SH3GL2: variants seen among roughly 807,000 people sequenced by gnomAD.
SH3GL2 encodes the protein SH3 domain containing GRB2 like 2, endophilin A1.
In SH3GL2, 24 loss-of-function variants were observed where a neutral mutation model predicts 46.0. The observed-to-expected ratio is 0.52, with a 90% CI of 0.38 to 0.73. SH3GL2 has a LOEUF of 0.73. Among genes scored for constraint, SH3GL2 ranks in the 30% least tolerant of loss-of-function variants. The pLI is 0.00. For missense variants in SH3GL2, 413 were observed against 424.2 expected, an observed-to-expected ratio of 0.97 and a Z score of 0.23; for synonymous variants, 196 against 147.1, an observed-to-expected ratio of 1.33 and a Z score of -2.40.
chr9:17,704,639 A>G (rs1159619504), intron 1 of SH3GL2, among the ~76,000 whole-genome samples: 5 of 152,150 alleles, frequency 3.3e-5, no homozygotes, highest in African/African-American at 1.2e-4. Context: ...ACACTTAACA[A>G]CCATCTGATT....
rs1351144094 is a variant in SH3GL2 at position 17,796,662 on chromosome 9, A to C, written c.*919A>C. The C allele has an allele frequency of 1.3e-5, 2 of 152,670 alleles. No homozygotes were observed. Among genetic ancestry groups the C allele is most frequent in the African/African-American group, 2.4e-5 (1 of 41,466 alleles). The allele number at this position is 152,670 out of a possible 1,614,324, so 9.5% of individuals were successfully genotyped here. The stretch of plus-strand genomic sequence containing the variant: ...AAACACTAGTAACCATCTTTCCACT[A>C]GTTCATATACTGAGAAACAGTAAAT... On this transcript the variant is annotated 3_prime_UTR_variant, in exon 9 of 9. Coordinates refer to ENST00000380607, the MANE Select transcript of SH3GL2 (RefSeq NM_003026.5).
At chr9:17,782,128 A>C (rs1823826496) in intron 3 of SH3GL2, among the ~76,000 whole-genome samples, 1 of 152,186 alleles carries the variant, frequency 6.6e-6, no homozygotes, top group Admixed American at 6.6e-5. Flanking sequence ...GACTATATTC[A>C]ACCAGGCAGT....
Position 17,746,597 on chromosome 9 carries a change from C to G in SH3GL2, c.46-469C>G, listed in dbSNP as rs562895189. ...TGTCTGAAGATTAGCTGGGCTGAGA[C>G]TTTTTTTCTTTTCATAACAGTTTGA... On this transcript the variant is annotated intron_variant, in intron 1 of 8. Transcript: ENST00000380607. Among the ~76,000 whole-genome samples, 4 of 152,222 alleles carry G rather than the reference C, an allele frequency of 2.6e-5. 1 individual carries two copies. In the South Asian group the frequency reaches 8.3e-4, roughly 32 times the overall value.
intron 1 of SH3GL2, among the ~76,000 whole-genome samples, chr9:17,592,175 A>G (rs1305200707): frequency 6.6e-6 from 1 of 152,208 alleles, no homozygotes; most frequent in African/African-American, 2.4e-5. Flanking sequence ...AGAATTTGGA[A>G]TTCTGATGTC....
At chr9:17,612,176 G>C (rs1255418538) in intron 1 of SH3GL2, among the ~76,000 whole-genome samples, 1 of 152,136 alleles carries the variant, frequency 6.6e-6, no homozygotes, top group Non-Finnish European at 1.5e-5. Context: ...TCTCTCTCTA[G>C]TTCTGTGCAC....
intron 1 of SH3GL2, among the ~76,000 whole-genome samples, chr9:17,653,213 C>G (rs990791627): frequency 1.3e-5 from 2 of 152,018 alleles, no homozygotes; most frequent in African/African-American, 2.4e-5. Context: ...TTTATTATAA[C>G]TGTTTTGTGT....
At chr9:17,795,044 T>C (rs1429006176) in intron 8 of SH3GL2, among the ~76,000 whole-genome samples, 7 of 152,220 alleles carry the variant, frequency 4.6e-5, no homozygotes, top group Non-Finnish European at 1.0e-4. Context: ...GCTGGGGTTA[T>C]CATTTTAAAG....
intron 1 of SH3GL2, among the ~76,000 whole-genome samples, chr9:17,732,752 A>C (rs1822217857): frequency 1.3e-5 from 2 of 152,168 alleles, no homozygotes; most frequent in South Asian, 4.1e-4. Flanking sequence ...GATTTTAATC[A>C]ATTCTTGTTC....
intron 1 of SH3GL2, among the ~76,000 whole-genome samples, chr9:17,744,387 G>A (rs1440188144): frequency 1.4e-5 from 2 of 147,896 alleles, no homozygotes; most frequent in African/African-American, 5.0e-5. Flanking sequence ...TTTTTTTTGA[G>A]TCTGAGTCTC....
chr9:17,619,426 C>T (rs1588178073), intron 1 of SH3GL2, among the ~76,000 whole-genome samples: 1 of 152,226 alleles, frequency 6.6e-6, no homozygotes, highest in East Asian at 1.9e-4. Flanking sequence ...GCCTGTAATC[C>T]CAGCACTTTG....
intron 1 of SH3GL2, among the ~76,000 whole-genome samples, chr9:17,701,462 G>A (rs1309859263): frequency 1.3e-5 from 2 of 152,016 alleles, no homozygotes; most frequent in Non-Finnish European, 2.9e-5. Context: ...GCCTCTTTGT[G>A]GGGAGAGATT....
At chr9:17,754,017 T>C (rs994003045) in intron 2 of SH3GL2, among the ~76,000 whole-genome samples, 1 of 152,192 alleles carries the variant, frequency 6.6e-6, no homozygotes, top group African/African-American at 2.4e-5. Context: ...CTGAGATCTC[T>C]ATTCTATTCT....
At chr9:17,794,675 G>C (rs1437811393) in intron 8 of SH3GL2, among the ~76,000 whole-genome samples, 2 of 152,162 alleles carry the variant, frequency 1.3e-5, no homozygotes, top group African/African-American at 4.8e-5. Context: ...GTATCTACAT[G>C]TGTATGTATG....
At chr9:17,643,279 A>G (rs1819729817) in intron 1 of SH3GL2, among the ~76,000 whole-genome samples, 1 of 152,202 alleles carries the variant, frequency 6.6e-6, no homozygotes, top group African/African-American at 2.4e-5. Context: ...CAGCTTAAGG[A>G]GTTTTTGGAC....
chr9:17,688,795 T>C (rs1352933336), intron 1 of SH3GL2, among the ~76,000 whole-genome samples: 2 of 152,052 alleles, frequency 1.3e-5, no homozygotes, highest in African/African-American at 4.8e-5. Context: ...ACGTATCAAA[T>C]AAATATCTAT....
At chr9:17,703,897 G>A (rs1415342406) in intron 1 of SH3GL2, among the ~76,000 whole-genome samples, 1 of 152,028 alleles carries the variant, frequency 6.6e-6, no homozygotes, top group Non-Finnish European at 1.5e-5. Context: ...AGACAAGGAT[G>A]CCCTCTTTCA....
chr9:17,581,947 C>T (rs1818284560), intron 1 of SH3GL2, among the ~76,000 whole-genome samples: 1 of 152,148 alleles, frequency 6.6e-6, no homozygotes, highest in Admixed American at 6.5e-5. Context: ...GATCTGCCCG[C>T]CTCGATTACA....
chr9:17,659,615 C>G (rs1820166219), intron 1 of SH3GL2, among the ~76,000 whole-genome samples: 1 of 152,156 alleles, frequency 6.6e-6, no homozygotes, highest in South Asian at 2.1e-4. Context: ...TACACGCTCT[C>G]TGGAATTTGA....
intron 1 of SH3GL2, among the ~76,000 whole-genome samples, chr9:17,585,990 C>T (rs911382819): frequency 2.0e-5 from 3 of 152,122 alleles, no homozygotes; most frequent in South Asian, 4.2e-4. Flanking sequence ...ACATGGTATC[C>T]GATGGATAAT....
Sources: gnomAD v4.1 joint callset for allele counts (sites outside exome capture counted in the v4.1 genomes callset) on GRCh38, gnomAD v4.1.1 for gene constraint, MANE v1.5 for transcripts, NCBI Gene and HGNC (gene_info 2026-07-23, HGNC 2026-07-21) for gene names.